Variants in SLC39A14 observed in about 807,000 individuals in gnomAD.
SLC39A14 encodes solute carrier family 39 member 14.
Under a neutral mutation model 45.5 loss-of-function variants are expected in SLC39A14, and 19 were observed. The observed-to-expected ratio is 0.42, with a 90% CI of 0.29 to 0.61. The LOEUF is 0.61. Among genes scored for constraint, SLC39A14 ranks in the 20% least tolerant of loss-of-function variants. The pLI, the probability that SLC39A14 is intolerant of heterozygous loss-of-function variation, is 0.22. For synonymous variants in SLC39A14, 264 were observed against 251.3 expected (o/e 1.05, Z -0.48); for missense variants, 447 against 616.5 (o/e 0.73, Z 2.91).
At chr8:22,427,184 G>A (rs1297338345), downstream of SLC39A14, among the ~76,000 whole-genome samples, 2 of 151,940 alleles carry the variant, frequency 1.3e-5, no homozygotes, top group African/African-American at 2.4e-5. Context: ...CCAGCTACTC[G>A]GGAGGCTGAG....
rs139424083 is a variant in SLC39A14 at position 22,419,899 on chromosome 8, C to CTAG, written c.*203_*205dup. 1 of 1,292,076 alleles carries CTAG rather than the reference C, an allele frequency of 7.7e-7. No homozygotes were observed. The highest frequency in any genetic ancestry group is 1.5e-5 in the African/African-American group (1 of 66,898). The allele number at this position is 1,292,076 out of a possible 1,614,324, so 80.0% of individuals were successfully genotyped here. The stretch of plus-strand genomic sequence containing the variant: ...AGCTGCCCTGGTAACCAGTCTCTAG[C>CTAG]TAGTGCCTCTTGCCCTCTCCTCACC... On this transcript the variant is annotated 3_prime_UTR_variant, in exon 9 of 9. Coordinates refer to ENST00000381237, the MANE Select transcript of SLC39A14 (RefSeq NM_001128431.4).
downstream of SLC39A14, among the ~76,000 whole-genome samples, chr8:22,424,552 C>A (rs1370974071): frequency 6.6e-6 from 1 of 152,184 alleles, no homozygotes; most frequent in Non-Finnish European, 1.5e-5. Flanking sequence ...GCTCCTGACA[C>A]CTCGACGTCC....
rs180878892 is a variant in SLC39A14, at chr8:22,419,751, G to T, written c.*53G>T. On this transcript the variant is annotated 3_prime_UTR_variant, in exon 9 of 9. Transcript: ENST00000381237. ...AAGTCGGGCCCTGGGCTGCCCGATCGCCAGCCCGAGGACTTACCATCCACA... is the reference window on the plus strand; with the variant it reads ...AAGTCGGGCCCTGGGCTGCCCGATCTCCAGCCCGAGGACTTACCATCCACA... 40 of 1,516,620 alleles carry T rather than the reference G, an allele frequency of 2.6e-5. No homozygotes were observed. Among genetic ancestry groups the T allele is most frequent in the Non-Finnish European group, 3.4e-5 (38 of 1,134,024 alleles). 93.9% of individuals were successfully genotyped at this position (1,516,620 alleles called of 1,614,324 possible).
At chr8:22,396,416 G>GGC (rs1834406204) in intron 1 of SLC39A14, among the ~76,000 whole-genome samples, 1 of 1,054 alleles carries the variant, frequency 9.5e-4, no homozygotes, top group African/African-American at 8.9e-3. Flanking sequence ...AGAGAGAGGG[G>GGC]GGGGGGAGAG....
rs543101228 is a variant in SLC39A14 at position 22,381,012 on chromosome 8, C to T, written c.-16+13604C>T. On this transcript the variant is annotated intron_variant, in intron 1 of 8. Coordinates refer to ENST00000381237, the MANE Select transcript of SLC39A14 (RefSeq NM_001128431.4). ...TTTTTTATACAGAGTCTTGCTCTGTCGCCCAGGCTAGAGTGCAGTGGCGCA... is the reference window on the plus strand; with the variant it reads ...TTTTTTATACAGAGTCTTGCTCTGTTGCCCAGGCTAGAGTGCAGTGGCGCA... Among the ~76,000 whole-genome samples the T allele has an allele frequency of 1.5e-3, 232 of 151,458 alleles. 1 individual carries two copies. Among genetic ancestry groups the T allele is most frequent in the African/African-American group, 5.4e-3 (223 of 41,260 alleles).
chr8:22,425,418 C>A (rs34300649), downstream of SLC39A14, among the ~76,000 whole-genome samples: 3 of 152,078 alleles, frequency 2.0e-5, no homozygotes, highest in Non-Finnish European at 4.4e-5. Flanking sequence ...TTCAGTGATG[C>A]TTGGATTGGA....
intron 1 of SLC39A14, among the ~76,000 whole-genome samples, chr8:22,374,061 CG>C (rs1398101651): frequency 2.0e-5 from 3 of 152,160 alleles, no homozygotes; most frequent in African/African-American, 7.2e-5. Context: ...CGTGAGCCAC[CG>C]TGCCCAGCCC....
At chr8:22,397,496 T>G (rs1389949635) in intron 1 of SLC39A14, among the ~76,000 whole-genome samples, 4 of 151,750 alleles carry the variant, frequency 2.6e-5, no homozygotes, top group Non-Finnish European at 5.9e-5. Context: ...GAGAATGGCG[T>G]GAACCCGGGA....
chr8:22,414,671 T>A, intron 4 of SLC39A14, 109 bp from the exon 5 acceptor site: 1 of 1,197,984 alleles, frequency 8.3e-7, no homozygotes, highest in Admixed American at 2.5e-5. Flanking sequence ...GTTACTCCAT[T>A]ATGCCTCTCT....
In SLC39A14 at chr8:22,420,507, T is replaced by C. The variant is rs1836165645; in HGVS notation, c.*809T>C. 2 of 985,328 alleles carry C rather than the reference T, an allele frequency of 2.0e-6. No homozygotes were observed. Among genetic ancestry groups the C allele is most frequent in the African/African-American group, 3.5e-5 (2 of 57,228 alleles). The allele number at this position is 985,328 out of a possible 1,614,324, so 61.0% of individuals were successfully genotyped here. A position where few individuals can be genotyped will look rare whatever the true frequency, so the allele number is the denominator to read the frequency against. On this transcript the variant is annotated 3_prime_UTR_variant, in exon 9 of 9. Coordinates refer to ENST00000381237, the MANE Select transcript of SLC39A14 (RefSeq NM_001128431.4). ...AGAAAACAGTTGGTTTGGCTGTGAT[T>C]TTGACCTCCTCTTCCCCACTGCCAT... is the stretch of plus-strand genomic sequence containing the variant.
chr8:22,421,379 T>G lies in SLC39A14; in HGVS notation c.*1681T>G. The G allele has an allele frequency of 1.0e-6, 1 of 985,770 alleles. No homozygotes were observed. The highest frequency in any genetic ancestry group is 1.2e-6 in the Non-Finnish European group (1 of 829,840). 61.1% of individuals were successfully genotyped at this position (985,770 alleles called of 1,614,324 possible). A position where few individuals can be genotyped will look rare whatever the true frequency, so the allele number is the denominator to read the frequency against. On this transcript the variant is annotated 3_prime_UTR_variant, in exon 9 of 9. Coordinates refer to ENST00000381237, the MANE Select transcript of SLC39A14 (RefSeq NM_001128431.4). ...GAGCAGGAAAAACTGCTGGTGATACTTTTTTTAAGTTTTGTTTTTATCTTG... is the reference window on the plus strand; with the variant it reads ...GAGCAGGAAAAACTGCTGGTGATACGTTTTTTAAGTTTTGTTTTTATCTTG...
intron 1 of SLC39A14, chr8:22,398,358 GC>G (rs1329427954): frequency 6.6e-6 from 1 of 152,274 alleles, no homozygotes; most frequent in African/African-American, 2.4e-5. Context: ...CACAGCCTGT[GC>G]TTGGCGGGGC....
chr8:22,384,832 C>T (rs1477284188), intron 1 of SLC39A14, among the ~76,000 whole-genome samples: 1 of 151,512 alleles, frequency 6.6e-6, no homozygotes, highest in Non-Finnish European at 1.5e-5. Context: ...GGTGGATCAC[C>T]TGAGGTCAGG....
At chr8:22,384,490 G>C (rs543589455) in intron 1 of SLC39A14, among the ~76,000 whole-genome samples, 1 of 151,498 alleles carries the variant, frequency 6.6e-6, no homozygotes, top group East Asian at 1.9e-4. Context: ...GCTGACACCT[G>C]TAATCCCAGC....
rs1835669908 is a variant in SLC39A14 at position 22,413,017 on chromosome 8, A to T, written c.627+811A>T. On this transcript the variant is annotated intron_variant, in intron 4 of 8. Transcript: ENST00000381237. Reference sequence around the variant, plus strand: ...GATTGTCCATAGGGAGTTTTGGGGCAAAGGCAATGCAAGTCAAACAATGTC... The same window carrying T: ...GATTGTCCATAGGGAGTTTTGGGGCTAAGGCAATGCAAGTCAAACAATGTC... Among the ~76,000 whole-genome samples the T allele has an allele frequency of 2.0e-5, 3 of 152,198 alleles. No homozygotes were observed. In the South Asian group the frequency reaches 6.2e-4, roughly 32 times the overall value.
At chr8:22,424,542 G>A (rs1836349848), downstream of SLC39A14, among the ~76,000 whole-genome samples, 1 of 152,106 alleles carries the variant, frequency 6.6e-6, no homozygotes, top group African/African-American at 2.4e-5. Flanking sequence ...CTGCCCTTCA[G>A]CTCCTGACAC....
exon 9 of SLC39A14, chr8:22,433,913 A>C (rs1279480829): frequency 2.4e-6 from 1 of 409,668 alleles, no homozygotes; most frequent in African/African-American, 2.1e-5. Flanking sequence ...TCTGTTGCCC[A>C]GGCTGGAGTG....
At chr8:22,428,588 G>A (rs1350061409) in intron 8 of SLC39A14, among the ~76,000 whole-genome samples, 4 of 151,516 alleles carry the variant, frequency 2.6e-5, no homozygotes, top group African/African-American at 4.8e-5. Context: ...GATTACAGGC[G>A]CATGCCACCA....
downstream of SLC39A14, among the ~76,000 whole-genome samples, chr8:22,424,420 T>C (rs770881206): frequency 1.3e-5 from 2 of 152,230 alleles, no homozygotes; most frequent in African/African-American, 2.4e-5. Flanking sequence ...TTCAAATGCC[T>C]GTTAGTCCTT....
Sources: allele counts gnomAD v4.1 joint callset (sites outside exome capture counted in the v4.1 genomes callset), GRCh38; gene constraint gnomAD v4.1.1; transcripts MANE v1.5; gene names NCBI Gene and HGNC (gene_info 2026-07-23, HGNC 2026-07-21).